LITAF: variants seen among roughly 807,000 people sequenced by gnomAD.
LITAF encodes lipopolysaccharide-induced tumor necrosis factor-alpha factor.
In LITAF, 9 loss-of-function variants were observed where a neutral mutation model predicts 14.5. That is an observed-to-expected ratio of 0.62 (90% confidence interval 0.37 to 1.08). LITAF has a LOEUF of 1.08. LITAF is among the 50% of genes least tolerant of loss of function. The pLI, the probability that LITAF is intolerant of heterozygous loss-of-function variation, is 0.01. For synonymous variants in LITAF, 98 were observed against 88.2 expected, an observed-to-expected ratio of 1.11 and a Z score of -0.62; for missense variants, 206 against 213.4, an observed-to-expected ratio of 0.97 and a Z score of 0.22.
In LITAF at chr16:11,553,848, A is replaced by G; in HGVS notation, c.221-159T>C. ...CATCGTCTGGCTATCTATGAGAGCC[A>G]AAAGGGGAAGGAACACCAGTGTCCA... On this transcript the variant is annotated intron_variant, in intron 2 of 3. Coordinates refer to ENST00000622633, the MANE Select transcript of LITAF (RefSeq NM_001136472.2). This position sits in a 1 kb window ranked among gnomAD's most constrained non-coding sequence, Gnocchi z 7.7. 2.6e-6 allele frequency: 2 copies of G among 782,004 alleles called. No homozygotes were observed. Among genetic ancestry groups the G allele is most frequent in the South Asian group, 3.3e-5 (2 of 60,956 alleles). The allele number at this position is 782,004 out of a possible 1,614,324, so 48.4% of individuals were successfully genotyped here.
In LITAF at chr16:11,548,479, C is replaced by T. The variant is rs1357019239; in HGVS notation, c.*1158G>A. ...GCTTTCCCTTATCTTTCAAAACCCA[C>T]CACCAGGAAACCAAAACGGACCCCA... On this transcript the variant is annotated 3_prime_UTR_variant, in exon 4 of 4. Transcript: ENST00000622633. 2.2e-6 allele frequency: 1 copy of T among 454,022 alleles called. No homozygotes were observed. Among genetic ancestry groups the T allele is most frequent in the South Asian group, 1.6e-5 (1 of 64,452 alleles). The allele number at this position is 454,022 out of a possible 1,614,324, so 28.1% of individuals were successfully genotyped here. A position where few individuals can be genotyped will look rare whatever the true frequency, so the allele number is the denominator to read the frequency against.
chr16:11,639,886 C>T (rs1420456228), upstream of LITAF, among the ~76,000 whole-genome samples: 1 of 152,104 alleles, frequency 6.6e-6, no homozygotes, highest in East Asian at 1.9e-4. Context: ...GAGATCCTAC[C>T]CTCTCAGCCC....
At chr16:11,601,253 C>T (rs1320637174), upstream of LITAF, among the ~76,000 whole-genome samples, 3 of 150,914 alleles carry the variant, frequency 2.0e-5, no homozygotes, top group Non-Finnish European at 3.0e-5. Context: ...GCCTCCCCTT[C>T]CCACCTCCCC....
In LITAF at chr16:11,548,818, T is replaced by A. The variant is rs1315810370; in HGVS notation, c.*819A>T. Reference sequence around the variant, plus strand: ...TAGTAAGACCCCATCTCTGTTTTTTTTTAAAAAAAAGAAATTCTGTTCAAA... The same window carrying A: ...TAGTAAGACCCCATCTCTGTTTTTTATTAAAAAAAAGAAATTCTGTTCAAA... On this transcript the variant is annotated 3_prime_UTR_variant, in exon 4 of 4. Coordinates refer to ENST00000622633, the MANE Select transcript of LITAF (RefSeq NM_001136472.2). 2.2e-6 allele frequency: 1 copy of A among 453,020 alleles called. No individual in the cohort carries two copies. The highest frequency in any genetic ancestry group is 1.6e-5 in the South Asian group (1 of 64,234). 28.1% of individuals were successfully genotyped at this position (453,020 alleles called of 1,614,324 possible). A position where few individuals can be genotyped will look rare whatever the true frequency, so the allele number is the denominator to read the frequency against.
chr16:11,632,645 G>A lies in LITAF; in HGVS notation c.85+888C>T, dbSNP rs2065123532. On this transcript the variant is annotated intron_variant, in intron 3 of 3. Transcript: ENST00000574848. This position sits in a 1 kb window ranked among gnomAD's most constrained non-coding sequence, Gnocchi z 4.8. Reference sequence around the variant, plus strand: ...GAAGCCCCACCGAGCCAGAGCCAGGGGAAGAACTGATGGCTGGACCCCAGG... The same window carrying A: ...GAAGCCCCACCGAGCCAGAGCCAGGAGAAGAACTGATGGCTGGACCCCAGG... Among the ~76,000 whole-genome samples, 1 of 152,176 alleles carries A rather than the reference G, an allele frequency of 6.6e-6. No individual in the cohort carries two copies. The highest frequency in any genetic ancestry group is 1.5e-5 in the Non-Finnish European group (1 of 68,018).
At chr16:11,598,062 C>A (rs1350045290) in intron 1 of LITAF, among the ~76,000 whole-genome samples, 1 of 152,140 alleles carries the variant, frequency 6.6e-6, no homozygotes. Flanking sequence ...TGCGCCACCA[C>A]GCCCGGGTAA....
At chr16:11,592,344 G>A (rs1008289277) in intron 1 of LITAF, among the ~76,000 whole-genome samples, 1 of 152,198 alleles carries the variant, frequency 6.6e-6, no homozygotes, top group Non-Finnish European at 1.5e-5. Flanking sequence ...GGGAGACTGA[G>A]GCGGGCGGCT....
rs1393241120 is a variant in LITAF, at chr16:11,548,812, T to TC, written c.*824_*825insG. 1 of 450,932 alleles carries TC rather than the reference T, an allele frequency of 2.2e-6. No homozygotes were observed. The highest frequency in any genetic ancestry group is 2.0e-5 in the African/African-American group (1 of 49,380). The allele number at this position is 450,932 out of a possible 1,614,324, so 27.9% of individuals were successfully genotyped here. On this transcript the variant is annotated 3_prime_UTR_variant, in exon 4 of 4. Transcript: ENST00000622633. ...GCAACATAGTAAGACCCCATCTCTG[T>TC]TTTTTTTTAAAAAAAAGAAATTCTG...
chr16:11,572,540 A>ACGGGACATCACACACCTG (rs1597348323), intron 1 of LITAF, among the ~76,000 whole-genome samples: 2 of 152,150 alleles, frequency 1.3e-5, no homozygotes, highest in Non-Finnish European at 2.9e-5. Flanking sequence ...ACACCGGCTG[A>ACGGGACATCACACACCTG]CTGACAGGAT....
intron 3 of LITAF, among the ~76,000 whole-genome samples, chr16:11,628,053 T>C (rs879122769): frequency 1.0e-4 from 15 of 150,680 alleles, no homozygotes; most frequent in Non-Finnish European, 1.3e-4. Context: ...TAATTCTCCA[T>C]TGGCCCAAGA....
chr16:11,626,403 G>C (rs974568205), intron 3 of LITAF, among the ~76,000 whole-genome samples: 1 of 146,166 alleles, frequency 6.8e-6, no homozygotes, highest in Non-Finnish European at 1.6e-5. Flanking sequence ...GAGTGCAGTG[G>C]TGCAATCTCA....
chr16:11,640,206 C>G (rs1296243106), upstream of LITAF, among the ~76,000 whole-genome samples: 2 of 152,174 alleles, frequency 1.3e-5, no homozygotes, highest in African/African-American at 4.8e-5. Flanking sequence ...GCATCCAGCA[C>G]ATAGTAGCTG....
intron 3 of LITAF, among the ~76,000 whole-genome samples, chr16:11,620,969 T>C (rs1008295726): frequency 3.0e-4 from 45 of 152,204 alleles, no homozygotes; most frequent in Admixed American, 2.9e-3. Context: ...CATCATGGCT[T>C]ACTGCAGCCT....
At chr16:11,587,403 C>T (rs1323999255), upstream of LITAF, 1 of 453,920 alleles carries the variant, frequency 2.2e-6, no homozygotes, top group Non-Finnish European at 4.4e-6. Flanking sequence ...CTTCCTGTAA[C>T]TCTACAGACG....
At position 11,632,631 on chromosome 16, in the gene LITAF, G is replaced by A. The variant is rs934282555; in HGVS notation, c.85+902C>T. ...GGCCCCATCTGGAGGAAGCCCCACCGAGCCAGAGCCAGGGGAAGAACTGAT... is the reference window on the plus strand; with the variant it reads ...GGCCCCATCTGGAGGAAGCCCCACCAAGCCAGAGCCAGGGGAAGAACTGAT... On this transcript the variant is annotated intron_variant, in intron 3 of 3. Coordinates refer to the LITAF transcript ENST00000574848. The surrounding 1 kb of genome is among the most constrained non-coding windows in gnomAD (Gnocchi z 4.8). Among the ~76,000 whole-genome samples the A allele has an allele frequency of 5.3e-5, 8 of 152,264 alleles. No homozygotes were observed. Among genetic ancestry groups the A allele is most frequent in the Non-Finnish European group, 7.4e-5 (5 of 68,002 alleles).
chr16:11,584,523 A>G (rs757792421), intron 1 of LITAF, among the ~76,000 whole-genome samples: 4 of 152,166 alleles, frequency 2.6e-5, no homozygotes, highest in Non-Finnish European at 5.9e-5. Context: ...ACTGTCTTCA[A>G]CCACCTGGGC....
intron 1 of LITAF, among the ~76,000 whole-genome samples, chr16:11,568,119 C>G (rs1294114437): frequency 6.6e-6 from 1 of 152,064 alleles, no homozygotes; most frequent in Non-Finnish European, 1.5e-5. Flanking sequence ...GAGACCCCAT[C>G]TCTACAAAAA....
chr16:11,570,028 T>C (rs2064517542), intron 1 of LITAF, among the ~76,000 whole-genome samples: 1 of 116,294 alleles, frequency 8.6e-6, no homozygotes, highest in African/African-American at 3.9e-5. Context: ...AGACTTTGCC[T>C]CAAAAAAAAA....
At chr16:11,562,088 C>G (rs946529198) in intron 1 of LITAF, among the ~76,000 whole-genome samples, 2 of 151,712 alleles carry the variant, frequency 1.3e-5, no homozygotes, top group African/African-American at 4.8e-5. Context: ...CTGGCTATAA[C>G]TTTTTAATTT....
Sources: allele counts gnomAD v4.1 joint callset (sites outside exome capture counted in the v4.1 genomes callset), GRCh38; gene constraint gnomAD v4.1.1; non-coding constraint Gnocchi (gnomAD v3.1); transcripts MANE v1.5; gene names NCBI Gene and HGNC (gene_info 2026-07-23, HGNC 2026-07-21).